GTSE1: variants seen among roughly 807,000 people sequenced by gnomAD.
GTSE1 encodes the protein G2 and S-phase expressed 1.
A neutral mutation model predicts 60.5 loss-of-function variants in GTSE1; 52 were observed. The ratio of observed to expected loss-of-function variants is 0.86; its 90% CI spans 0.69 to 1.08. The LOEUF (loss-of-function observed/expected upper bound fraction) is 1.08, where lower values mean the gene tolerates loss of function less well. GTSE1 is among the 50% of genes least tolerant of loss of function. The pLI is 0.00. For missense variants in GTSE1, 937 were observed against 961.8 expected (o/e 0.97, Z 0.34); for synonymous variants, 368 against 386.5 (o/e 0.95, Z 0.56).
chr22:46,305,479 C>T (rs992007793), intron 2 of GTSE1, among the ~76,000 whole-genome samples: 1 of 152,044 alleles, frequency 6.6e-6, no homozygotes, highest in Non-Finnish European at 1.5e-5. Context: ...CGTGGTAGCA[C>T]GTGCCTGTAA....
In GTSE1 at chr22:46,321,387, G is replaced by C. The variant is rs1251112355; in HGVS notation, c.1433-1803G>C. On this transcript the variant is annotated intron_variant, in intron 7 of 11. Coordinates refer to ENST00000454366, the MANE Select transcript of GTSE1 (RefSeq NM_016426.7). The surrounding 1 kb of genome is among the most constrained non-coding windows in gnomAD (Gnocchi z 4.0). ...CCACTGCACTCCAGCCTGGGTGACAGAGCAAGACCTTGTTTCTTGTAAGAA... is the reference window on the plus strand; with the variant it reads ...CCACTGCACTCCAGCCTGGGTGACACAGCAAGACCTTGTTTCTTGTAAGAA... Among the ~76,000 whole-genome samples, 1 of 152,202 alleles carries C rather than the reference G, an allele frequency of 6.6e-6. No homozygotes were observed. Among genetic ancestry groups the C allele is most frequent in the African/African-American group, 2.4e-5 (1 of 41,452 alleles).
At chr22:46,323,672 A>C (rs1601915818) in intron 8 of GTSE1, among the ~76,000 whole-genome samples, 1 of 151,538 alleles carries the variant, frequency 6.6e-6, no homozygotes, top group African/African-American at 2.4e-5. Context: ...CTGGCGTGGC[A>C]CCTTGATTCT....
intron 2 of GTSE1, among the ~76,000 whole-genome samples, chr22:46,307,464 C>G (rs1233804426): frequency 6.6e-6 from 1 of 151,870 alleles, no homozygotes; most frequent in Non-Finnish European, 1.5e-5. Flanking sequence ...AAGTAAGGAC[C>G]TAAGCTTTTG....
At chr22:46,323,865 ATTT>A (rs61296362) in intron 8 of GTSE1, among the ~76,000 whole-genome samples, 4 of 151,196 alleles carry the variant, frequency 2.6e-5, no homozygotes, top group African/African-American at 9.7e-5. Context: ...TTATTTTTGT[ATTT>A]TTTTTAGTAG....
intron 2 of GTSE1, among the ~76,000 whole-genome samples, chr22:46,298,382 A>T (rs1319099291): frequency 6.6e-6 from 1 of 151,052 alleles, no homozygotes; most frequent in Non-Finnish European, 1.5e-5. Context: ...ATCTTGGCTC[A>T]CTGCAACCTC....
At position 46,329,917 on chromosome 22, in the gene GTSE1, C is replaced by CT. The variant is rs2077866506; in HGVS notation, c.2137-126dup. The CT allele has an allele frequency of 6.0e-6, 4 of 670,536 alleles. No individual in the cohort carries two copies. The highest frequency in any genetic ancestry group is 1.1e-5 in the Non-Finnish European group (4 of 368,974). The allele number at this position is 670,536 out of a possible 1,614,324, so 41.5% of individuals were successfully genotyped here. ...TTCTTAGACGTGGTGGCCCAGAGTGCTTTTCAGTGCACCCGAGCCAGGATG... is the reference window on the plus strand; with the variant it reads ...TTCTTAGACGTGGTGGCCCAGAGTGCTTTTTCAGTGCACCCGAGCCAGGATG... On this transcript the variant is annotated intron_variant, in intron 11 of 11. Transcript: ENST00000454366. The surrounding 1 kb of genome is among the most constrained non-coding windows in gnomAD (Gnocchi z 6.4).
rs1024695842 is a variant in GTSE1 at position 46,308,879 on chromosome 22, C to T, written c.698C>T (p.Thr233Ile). ...SQAATQRKPG[T>I]KLLLPRAASV... ...GCAGCGACTCAGAGGAAGCCCGGGA[C>T]CAAATTGCTGCTGCCTCGAGCGGCC... is the stretch of plus-strand genomic sequence containing the variant. The change falls in exon 4 of 12, where the codon ACC becomes ATC. Residue 233 changes from threonine to isoleucine, a missense_variant. By Grantham distance (89) the Thr-to-Ile change is moderately conservative. Transcript: ENST00000454366. 2.5e-6 allele frequency: 4 copies of T among 1,613,226 alleles called. No homozygotes were observed. Among genetic ancestry groups the T allele is most frequent in the Non-Finnish European group, 3.4e-6 (4 of 1,180,040 alleles).
rs926764058 is a variant in GTSE1 at position 46,319,147 on chromosome 22, G to A, written c.1432+2735G>A. Among the ~76,000 whole-genome samples the A allele has an allele frequency of 6.6e-6, 1 of 152,214 alleles. No individual in the cohort carries two copies. On this transcript the variant is annotated intron_variant, in intron 7 of 11. Coordinates refer to ENST00000454366, the MANE Select transcript of GTSE1 (RefSeq NM_016426.7). This position sits in a 1 kb window ranked among gnomAD's most constrained non-coding sequence, Gnocchi z 5.0. Reference sequence around the variant, plus strand: ...AACCTCAGCCAGTCAGTGACCGAGGGGCAGGGTAAGAAGAGATGAAGATGG... The same window carrying A: ...AACCTCAGCCAGTCAGTGACCGAGGAGCAGGGTAAGAAGAGATGAAGATGG...
rs2077769045 is a variant in GTSE1, at chr22:46,314,790, G to A, written c.1051+777G>A. 1.3e-5 allele frequency among the ~76,000 whole-genome samples: 2 copies of A among 151,176 alleles called. No individual in the cohort carries two copies. Among genetic ancestry groups the A allele is most frequent in the South Asian group, 4.2e-4 (2 of 4,792 alleles). The stretch of plus-strand genomic sequence containing the variant: ...ACTCGGGAGACTGGGCCACGAGAAT[G>A]GCTTGAACGCGGGAGGCAGAGGTTA... On this transcript the variant is annotated intron_variant, in intron 6 of 11. Transcript: ENST00000454366. This position sits in a 1 kb window ranked among gnomAD's most constrained non-coding sequence, Gnocchi z 7.1.
At position 46,329,284 on chromosome 22, in the gene GTSE1, C is replaced by G. The variant is rs2077862249; in HGVS notation, c.1927-74C>G. 3.2e-6 allele frequency: 4 copies of G among 1,256,688 alleles called. No individual in the cohort carries two copies. The Admixed American group carries it at 6.7e-5, about 21-fold the overall frequency. The allele number at this position is 1,256,688 out of a possible 1,614,324, so 77.8% of individuals were successfully genotyped here. ...ACCGCCAGCCCACCTGGAACATGAGCAAAGCTCACATTCTCCCAAGATGGT... is the reference window on the plus strand; with the variant it reads ...ACCGCCAGCCCACCTGGAACATGAGGAAAGCTCACATTCTCCCAAGATGGT... On this transcript the variant is annotated intron_variant, in intron 10 of 11. Transcript: ENST00000454366. The surrounding 1 kb of genome is among the most constrained non-coding windows in gnomAD (Gnocchi z 6.4).
chr22:46,316,782 A>G lies in GTSE1; in HGVS notation c.1432+370A>G, dbSNP rs1424089602. On this transcript the variant is annotated intron_variant, in intron 7 of 11. Coordinates refer to ENST00000454366, the MANE Select transcript of GTSE1 (RefSeq NM_016426.7). The surrounding 1 kb of genome is among the most constrained non-coding windows in gnomAD (Gnocchi z 5.0). Reference sequence around the variant, plus strand: ...GGTTGGTTTTTTTCAGCAAATTTGGAAAACGTTGGCCATTATTTCTTCAGC... The same window carrying G: ...GGTTGGTTTTTTTCAGCAAATTTGGGAAACGTTGGCCATTATTTCTTCAGC... 6.6e-6 allele frequency among the ~76,000 whole-genome samples: 1 copy of G among 152,056 alleles called. No individual in the cohort carries two copies. The highest frequency in any genetic ancestry group is 1.5e-5 in the Non-Finnish European group (1 of 68,016).
chr22:46,326,635 C>T lies in GTSE1; in HGVS notation c.1705C>T (p.Arg569Cys), dbSNP rs528775411. 9 of 1,609,828 alleles carry T rather than the reference C, an allele frequency of 5.6e-6. No individual in the cohort carries two copies. The highest frequency in any genetic ancestry group is 2.7e-5 in the African/African-American group (2 of 74,964). ...VPARRRSSEPRKNSAMRTEPT... is the reference protein window; with the variant it reads ...VPARRRSSEPCKNSAMRTEPT... ...AGCTCGGAGACGTTCCTCTGAGCCC[C>T]GCAAGAACTCTGCAATGAGGTAAGA... Residue 569 changes from arginine to cysteine, a missense_variant, in exon 9 of 12, where the codon CGC (arginine) becomes TGC (cysteine). Arg to Cys is a radical substitution (Grantham distance 180, BLOSUM62 -3). Coordinates refer to ENST00000454366, the MANE Select transcript of GTSE1 (RefSeq NM_016426.7).
At chr22:46,306,335 C>T (rs961419447) in intron 2 of GTSE1, among the ~76,000 whole-genome samples, 10 of 151,974 alleles carry the variant, frequency 6.6e-5, no homozygotes, top group South Asian at 2.1e-4. Context: ...GCACCTGCCA[C>T]CACGCCCGGC....
Position 46,308,837 on chromosome 22 carries a change from C to T in GTSE1, c.656C>T (p.Ala219Val), listed in dbSNP as rs34404175. The change falls in exon 4 of 12, where the codon GCT becomes GTT. Residue 219 changes from alanine to valine, a missense_variant. Transcript: ENST00000454366. ...GCTTTGCCCAGGGAATCATGCACTG[C>T]TCATGCTGCAAGTCAGGCAGCGACT... is the stretch of plus-strand genomic sequence containing the variant. ...AHALPRESCTAHAASQAATQR... is the reference protein window; with the variant it reads ...AHALPRESCTVHAASQAATQR... 4.9e-3 allele frequency: 7,839 copies of T among 1,613,304 alleles called. 330 individuals carry two copies. The African/African-American group carries it at 0.086, about 18-fold the overall frequency.
At position 46,319,482 on chromosome 22, in the gene GTSE1, G is replaced by A. The variant is rs2077799941; in HGVS notation, c.1432+3070G>A. ...CAGAGAGGGACTCGAGTGTCCCTGA[G>A]GTTCTGGCGGAACCTGGGTGCTGCC... is the stretch of plus-strand genomic sequence containing the variant. On this transcript the variant is annotated intron_variant, in intron 7 of 11. Coordinates refer to ENST00000454366, the MANE Select transcript of GTSE1 (RefSeq NM_016426.7). This position sits in a 1 kb window ranked among gnomAD's most constrained non-coding sequence, Gnocchi z 5.0. Among the ~76,000 whole-genome samples the A allele has an allele frequency of 6.6e-6, 1 of 152,156 alleles. No individual in the cohort carries two copies. The highest frequency in any genetic ancestry group is 2.4e-5 in the African/African-American group (1 of 41,426).
rs1207667243 is a variant in GTSE1 at position 46,319,000 on chromosome 22, G to A, written c.1432+2588G>A. 3.9e-5 allele frequency among the ~76,000 whole-genome samples: 6 copies of A among 152,170 alleles called. No homozygotes were observed. The South Asian group carries it at 6.2e-4, about 16-fold the overall frequency. On this transcript the variant is annotated intron_variant, in intron 7 of 11. Coordinates refer to ENST00000454366, the MANE Select transcript of GTSE1 (RefSeq NM_016426.7). This position sits in a 1 kb window ranked among gnomAD's most constrained non-coding sequence, Gnocchi z 4.8. The stretch of plus-strand genomic sequence containing the variant: ...CACTGCAAGTTGTCCCTGTGACTCC[G>A]TTTGTGTCCCATTGAGTACGACGCT...
rs960179203 is a variant in GTSE1 at position 46,297,619 on chromosome 22, C to A, written c.79+140C>A. ...CTGTGAAACACATGACATCTGCCTT[C>A]GTTTTCTGGTTTTCTTTCACCTCCT... On this transcript the variant is annotated intron_variant, in intron 2 of 11. Coordinates refer to ENST00000454366, the MANE Select transcript of GTSE1 (RefSeq NM_016426.7). This position sits in a 1 kb window ranked among gnomAD's most constrained non-coding sequence, Gnocchi z 4.9. 3.2e-6 allele frequency: 2 copies of A among 631,884 alleles called. No individual in the cohort carries two copies. Among genetic ancestry groups the A allele is most frequent in the South Asian group, 3.8e-5 (2 of 52,358 alleles). 39.1% of individuals were successfully genotyped at this position (631,884 alleles called of 1,614,324 possible). A position where few individuals can be genotyped will look rare whatever the true frequency, so the allele number is the denominator to read the frequency against.
At chr22:46,299,007 G>T (rs971066267) in intron 2 of GTSE1, among the ~76,000 whole-genome samples, 1 of 152,110 alleles carries the variant, frequency 6.6e-6, no homozygotes, top group African/African-American at 2.4e-5. Flanking sequence ...TCCCATTCCG[G>T]CTTCTGTCCT....
chr22:46,300,312 G>A (rs1048344152), intron 2 of GTSE1, among the ~76,000 whole-genome samples: 4 of 151,960 alleles, frequency 2.6e-5, no homozygotes, highest in African/African-American at 4.8e-5. Flanking sequence ...TGGTCAGGAC[G>A]GTCTCGAACT....
Sources: gnomAD v4.1 joint callset for allele counts (sites outside exome capture counted in the v4.1 genomes callset) on GRCh38, gnomAD v4.1.1 for gene constraint, Gnocchi (gnomAD v3.1) non-coding constraint, MANE v1.5 for transcripts, NCBI Gene and HGNC (gene_info 2026-07-23, HGNC 2026-07-21) for gene names.